The following USP25 variants were observed in gnomAD, a reference collection of about 807,000 sequenced individuals.
USP25 encodes ubiquitin carboxyl-terminal hydrolase 25.
In USP25, 85 loss-of-function variants were observed where a neutral mutation model predicts 158.5. The ratio of observed to expected loss-of-function variants is 0.54; its 90% confidence interval spans 0.45 to 0.64. USP25 has a LOEUF of 0.64. Among genes scored for constraint, USP25 ranks in the 30% least tolerant of loss-of-function variants. The probability of loss-of-function intolerance (pLI) is 0.00; values close to 1 mark genes in which losing one functional copy is unlikely to be tolerated. For synonymous variants in USP25, 464 were observed against 460.4 expected (o/e 1.01, Z -0.10); for missense variants, 1,242 against 1,327.3 (o/e 0.94, Z 1.00).
intron 4 of USP25, among the ~76,000 whole-genome samples, chr21:15,780,748 T>C (rs1329934595): frequency 2.0e-5 from 3 of 152,190 alleles, no homozygotes; most frequent in African/African-American, 7.2e-5. Context: ...TTAAAATAGG[T>C]CTGTATAACT....
In USP25 at chr21:15,874,533, T is replaced by G. The variant is rs181361693; in HGVS notation, c.3009+7T>G. The stretch of plus-strand genomic sequence containing the variant: ...TAGAAGAGAATGTTTGCTAGTAAGT[T>G]GAATGCATATAGTATGATCTTATCA... On this transcript the variant is annotated splice_region_variant and intron_variant, in intron 24 of 25. Transcript: ENST00000400183. 6.3e-7 allele frequency: 1 copy of G among 1,594,562 alleles called. No homozygotes were observed. Among genetic ancestry groups the G allele is most frequent in the East Asian group, 2.2e-5 (1 of 44,484 alleles).
At chr21:15,828,685 T>TG in intron 14 of USP25, among the ~76,000 whole-genome samples, 1 of 152,346 alleles carries the variant, frequency 6.6e-6, no homozygotes, top group Non-Finnish European at 1.5e-5. Flanking sequence ...GTCACCAGGC[T>TG]GGAGTGCAGT....
rs540079114 is a variant in USP25 at position 15,751,978 on chromosome 21, A to G, written c.46-10913A>G. Among the ~76,000 whole-genome samples, 55 of 152,334 alleles carry G rather than the reference A, an allele frequency of 3.6e-4. 1 individual carries two copies. The highest frequency in any genetic ancestry group is 5.3e-4 in the Non-Finnish European group (36 of 68,038). ...AGACAGAGATTTGCTCTTGTTGCGC[A>G]GGTTGGAGTACAATGGTGCAATCTC... On this transcript the variant is annotated intron_variant, in intron 1 of 25. Transcript: ENST00000400183.
intron 1 of USP25, among the ~76,000 whole-genome samples, chr21:15,747,671 G>A (rs2032669434): frequency 6.6e-6 from 1 of 152,042 alleles, no homozygotes; most frequent in South Asian, 2.1e-4. Context: ...ACTACTAAGT[G>A]GGTAGTATAC....
At chr21:15,865,054 AAATTTCTGTAG>A (rs563701198) in intron 21 of USP25, among the ~76,000 whole-genome samples, 93 of 152,142 alleles carry the variant, frequency 6.1e-4, no homozygotes, top group Non-Finnish European at 1.0e-3. Flanking sequence ...TATTCTATAG[AAATTTCTGTAG>A]AATTTCTGTA....
chr21:15,824,054 T>C lies in USP25; in HGVS notation c.1096T>C (p.Leu366=). The C allele has an allele frequency of 1.2e-6, 2 of 1,613,228 alleles. No homozygotes were observed. Among genetic ancestry groups the C allele is most frequent in the Non-Finnish European group, 1.7e-6 (2 of 1,179,580 alleles). Residue 366 remains leucine (L), a synonymous_variant, in exon 11 of 26, where the codon TTA becomes CTA. Transcript: ENST00000400183. ...KSGQEHWFTE[L]PPVLTFELSR... is the part of the protein sequence containing the mutation. ...TTCCTTTCAGCATTGGTTTACTGAA[T>C]TACCACCTGTGTTAACATTTGAATT...
intron 10 of USP25, among the ~76,000 whole-genome samples, chr21:15,823,765 G>C (rs2037354034): frequency 6.6e-6 from 1 of 152,126 alleles, no homozygotes; most frequent in African/African-American, 2.4e-5. Flanking sequence ...CTTTGGGCTA[G>C]AAATTCTAAT....
rs2039657486 is a variant in USP25, at chr21:15,866,301, T to C, written c.2762T>C (p.Leu921Pro). ...ATAATGAAAGTTGCTCAAGCCAAAC[T>C]GGAAATGATAAAACCTGAAGAAGTA... Reference protein sequence around the residue: ...HNIMKVAQAKLEMIKPEEVNL... With the variant: ...HNIMKVAQAKPEMIKPEEVNL... Residue 921 changes from leucine to proline, a missense_variant, in exon 22 of 26, where the codon CTG (leucine) becomes CCG (proline). By Grantham distance (98) the Leu-to-Pro change is moderately conservative. Transcript: ENST00000400183. 1 of 1,605,790 alleles carries C rather than the reference T, an allele frequency of 6.2e-7. No individual in the cohort carries two copies. Among genetic ancestry groups the C allele is most frequent in the African/African-American group, 1.3e-5 (1 of 74,614 alleles).
chr21:15,798,534 T>G (rs2035972869), intron 5 of USP25, among the ~76,000 whole-genome samples: 1 of 151,254 alleles, frequency 6.6e-6, no homozygotes, highest in South Asian at 2.1e-4. Context: ...GGTTTATTAC[T>G]TCTACTCTTA....
At chr21:15,845,139 A>G (rs1264482531) in intron 18 of USP25, among the ~76,000 whole-genome samples, 1 of 152,084 alleles carries the variant, frequency 6.6e-6, no homozygotes, top group East Asian at 1.9e-4. Context: ...TACTAGCTTA[A>G]AAGGTAAAGG....
intron 4 of USP25, among the ~76,000 whole-genome samples, chr21:15,778,627 A>C (rs2123505899): frequency 6.6e-6 from 1 of 152,258 alleles, no homozygotes; most frequent in East Asian, 1.9e-4. Flanking sequence ...GATGTGTGCT[A>C]GAATGCAGTT....
At chr21:15,797,624 T>C (rs974288496) in intron 5 of USP25, among the ~76,000 whole-genome samples, 1 of 151,370 alleles carries the variant, frequency 6.6e-6, no homozygotes, top group African/African-American at 2.4e-5. Flanking sequence ...GAAAATTCTC[T>C]ATCTACAATG....
intron 1 of USP25, among the ~76,000 whole-genome samples, chr21:15,755,346 T>G (rs1207678029): frequency 6.6e-6 from 1 of 152,226 alleles, no homozygotes; most frequent in African/African-American, 2.4e-5. Context: ...ACCCACCGCT[T>G]AACACAAACT....
intron 3 of USP25, 118 bp from the exon 4 acceptor site, chr21:15,777,786 T>A: frequency 1.1e-6 from 1 of 884,324 alleles, no homozygotes; most frequent in East Asian, 3.1e-5. Context: ...CTTTTAGAAA[T>A]ACAAAATTAG....
At chr21:15,833,731 T>C (rs945366769) in intron 17 of USP25, among the ~76,000 whole-genome samples, 183 bp downstream of exon 17, 1 of 152,176 alleles carries the variant, frequency 6.6e-6, no homozygotes, top group African/African-American at 2.4e-5. Context: ...GACACCACTG[T>C]ATATATTTAT....
chr21:15,733,408 C>T (rs1272125981), intron 1 of USP25, among the ~76,000 whole-genome samples: 1 of 151,942 alleles, frequency 6.6e-6, no homozygotes, highest in Non-Finnish European at 1.5e-5. Context: ...TACTTTGTTT[C>T]CTAACTGAAT....
chr21:15,812,376 C>T (rs908670638), intron 9 of USP25, among the ~76,000 whole-genome samples: 17 of 152,020 alleles, frequency 1.1e-4, no homozygotes, highest in African/African-American at 1.9e-4. Flanking sequence ...TGGCTGGGTG[C>T]GGTGGCTCAT....
chr21:15,866,189 CTTTTGA>C, intron 21 of USP25, 71 bp from the exon 22 acceptor site: 1 of 898,038 alleles, frequency 1.1e-6, no homozygotes. Context: ...ATGGATTTTG[CTTTTGA>C]TTTACAAATA....
At position 15,730,017 on chromosome 21, in the gene USP25, C is replaced by T. The variant is rs1391753933; in HGVS notation, c.-377C>T. On this transcript the variant is annotated 5_prime_UTR_variant, in exon 1 of 26. Coordinates refer to ENST00000400183, the MANE Select transcript of USP25 (RefSeq NM_001283041.3). ...GCCGCTCCCTCCGTCCCCTCTCTCC[C>T]TTCCCCAAAGCAGCCCGCGGACCGG... 1 of 151,696 alleles carries T rather than the reference C, an allele frequency of 6.6e-6. No individual in the cohort carries two copies. The highest frequency in any genetic ancestry group is 1.9e-4 in the East Asian group (1 of 5,168). The allele number at this position is 151,696 out of a possible 1,614,324, so 9.4% of individuals were successfully genotyped here.
Sources: gnomAD v4.1 joint callset for allele counts (sites outside exome capture counted in the v4.1 genomes callset) on GRCh38, gnomAD v4.1.1 for gene constraint, MANE v1.5 for transcripts, NCBI Gene and HGNC (gene_info 2026-07-23, HGNC 2026-07-21) for gene names.